GPM6A: variants seen among roughly 807,000 people sequenced by gnomAD.
The protein encoded by GPM6A is neuronal membrane glycoprotein M6-a.
In GPM6A, 7 loss-of-function variants were observed where a neutral mutation model predicts 32.1. The ratio of observed to expected loss-of-function variants is 0.22; its 90% CI spans 0.12 to 0.41. The LOEUF is 0.41. GPM6A is among the 10% of genes least tolerant of loss of function. GPM6A has a pLI of 1.00. For missense variants in GPM6A, 235 were observed against 347.2 expected (o/e 0.68, Z 2.57); for synonymous variants, 130 against 123.4 (o/e 1.05, Z -0.35).
At chr4:175,704,550 T>C (rs1347978866) in intron 1 of GPM6A, among the ~76,000 whole-genome samples, 1 of 152,174 alleles carries the variant, frequency 6.6e-6, no homozygotes, top group East Asian at 1.9e-4. Context: ...TCTCTTGATG[T>C]TCTACAATTT....
chr4:175,753,129 C>T lies in GPM6A; in HGVS notation c.38-51362G>A, dbSNP rs181040684. Among the ~76,000 whole-genome samples, 8 of 152,250 alleles carry T rather than the reference C, an allele frequency of 5.3e-5. No homozygotes were observed. In the East Asian group the frequency reaches 1.5e-3, roughly 29 times the overall value. On this transcript the variant is annotated intron_variant, in intron 1 of 6. Coordinates refer to ENST00000393658, the MANE Select transcript of GPM6A (RefSeq NM_201591.3). ...TCTGTTACAATACATGAAACAATCC[C>T]AGCGATTTTCAACATCATTAATATT...
At chr4:175,868,644 G>A (rs919891379) in intron 1 of GPM6A, among the ~76,000 whole-genome samples, 3 of 151,976 alleles carry the variant, frequency 2.0e-5, no homozygotes, top group African/African-American at 7.3e-5. Flanking sequence ...TTTCTGTTAC[G>A]GATTGCTAAT....
chr4:175,827,994 T>C (rs1485581744), intron 1 of GPM6A, among the ~76,000 whole-genome samples: 2 of 152,214 alleles, frequency 1.3e-5, no homozygotes, highest in African/African-American at 2.4e-5. Context: ...TTAAATCAAC[T>C]GTATATTGTT....
At chr4:175,680,260 G>A (rs1427195558) in intron 2 of GPM6A, among the ~76,000 whole-genome samples, 1 of 152,084 alleles carries the variant, frequency 6.6e-6, no homozygotes, top group Non-Finnish European at 1.5e-5. Flanking sequence ...TCGCTACAGG[G>A]ATTTTTATTG....
chr4:175,658,540 A>G (rs1220095749), intron 3 of GPM6A, among the ~76,000 whole-genome samples: 1 of 152,166 alleles, frequency 6.6e-6, no homozygotes, highest in African/African-American at 2.4e-5. Flanking sequence ...AGAATGTGCA[A>G]CACCCAGAGA....
intron 1 of GPM6A, among the ~76,000 whole-genome samples, chr4:175,888,158 C>T (rs912229527): frequency 1.1e-4 from 17 of 151,766 alleles, no homozygotes; most frequent in African/African-American, 3.9e-4. Context: ...ACAAAGATAG[C>T]TTAAAATTAG....
chr4:175,682,318 A>G (rs940917479), intron 2 of GPM6A, among the ~76,000 whole-genome samples: 13 of 152,184 alleles, frequency 8.5e-5, no homozygotes, highest in African/African-American at 3.1e-4. Flanking sequence ...TTTAAATTTG[A>G]AATAATATTT....
chr4:175,979,209 T>A (rs1325039871), intron 1 of GPM6A, among the ~76,000 whole-genome samples: 2 of 152,206 alleles, frequency 1.3e-5, no homozygotes, highest in Non-Finnish European at 2.9e-5. Flanking sequence ...TGGATTCTAT[T>A]TCAATTCCAT....
chr4:175,883,423 T>C (rs1360984824), intron 1 of GPM6A, among the ~76,000 whole-genome samples: 2 of 152,096 alleles, frequency 1.3e-5, no homozygotes, highest in Non-Finnish European at 2.9e-5. Flanking sequence ...TATAAAAAAT[T>C]AAGAAGATAG....
chr4:175,895,727 G>T (rs1320822272), intron 1 of GPM6A, among the ~76,000 whole-genome samples: 1 of 152,058 alleles, frequency 6.6e-6, no homozygotes, highest in African/African-American at 2.4e-5. Context: ...TGTTGAAAAT[G>T]GAATATTTAT....
intron 1 of GPM6A, among the ~76,000 whole-genome samples, chr4:175,975,152 C>A (rs1359193727): frequency 6.6e-6 from 1 of 152,192 alleles, no homozygotes; most frequent in Non-Finnish European, 1.5e-5. Flanking sequence ...GAGCAGCAGC[C>A]TCTCTTGCAC....
chr4:175,678,522 T>A (rs1390094941), intron 2 of GPM6A, among the ~76,000 whole-genome samples: 2 of 152,152 alleles, frequency 1.3e-5, no homozygotes, highest in Non-Finnish European at 2.9e-5. Flanking sequence ...TTTGAAAGAA[T>A]GCATGAAATA....
At chr4:175,770,327 A>C (rs1053168194) in intron 1 of GPM6A, among the ~76,000 whole-genome samples, 45 of 152,196 alleles carry the variant, frequency 3.0e-4, no homozygotes, top group Middle Eastern at 3.4e-3. Context: ...CGCCTGGCCG[A>C]TGCCTAGATT....
intron 1 of GPM6A, among the ~76,000 whole-genome samples, chr4:175,721,040 T>TATATAA (rs199529824): frequency 3.3e-3 from 148 of 44,724 alleles, no homozygotes; most frequent in African/African-American, 7.8e-3. Context: ...TACATATATA[T>TATATAA]TATATATATA....
At chr4:175,916,907 T>C (rs9917932) in intron 1 of GPM6A, among the ~76,000 whole-genome samples, 146,210 of 152,248 alleles carry the variant, frequency 0.96, 70,503 homozygotes, top group East Asian at 1. Flanking sequence ...CAGATTATTA[T>C]TCACATAAAA....
At chr4:175,837,120 C>T (rs1040051429) in intron 1 of GPM6A, among the ~76,000 whole-genome samples, 3 of 151,680 alleles carry the variant, frequency 2.0e-5, no homozygotes, top group East Asian at 3.9e-4. Context: ...AGAGTAAGAA[C>T]AAGAGCAAGA....
chr4:175,797,399 A>G (rs1295803626), intron 1 of GPM6A, among the ~76,000 whole-genome samples: 1 of 152,144 alleles, frequency 6.6e-6, no homozygotes, highest in Non-Finnish European at 1.5e-5. Context: ...GAGATTGACA[A>G]TAGTATTAAT....
At chr4:175,866,404 C>A (rs1736737283) in intron 1 of GPM6A, among the ~76,000 whole-genome samples, 1 of 152,126 alleles carries the variant, frequency 6.6e-6, no homozygotes, top group Non-Finnish European at 1.5e-5. Flanking sequence ...ATTTTCACTG[C>A]CTCGAAAATC....
chr4:175,923,461 T>TC (rs1738734784), intron 1 of GPM6A, among the ~76,000 whole-genome samples: 1 of 150,662 alleles, frequency 6.6e-6, no homozygotes, highest in Non-Finnish European at 1.5e-5. Flanking sequence ...TGAGCAGAAG[T>TC]CGGTGATGGA....
Sources: allele counts gnomAD v4.1 joint callset (sites outside exome capture counted in the v4.1 genomes callset), GRCh38; gene constraint gnomAD v4.1.1; transcripts MANE v1.5; gene names NCBI Gene and HGNC (gene_info 2026-07-23, HGNC 2026-07-21).